The following CLEC16A variants were observed in gnomAD, a reference collection of about 807,000 sequenced individuals.
CLEC16A encodes C-type lectin domain containing 16A, also known as protein CLEC16A.
A neutral mutation model predicts 109.5 loss-of-function variants in CLEC16A; 51 were observed. The ratio of observed to expected loss-of-function variants is 0.47; its 90% CI spans 0.37 to 0.59. The LOEUF is 0.59. CLEC16A is among the 20% of genes least tolerant of loss of function. The pLI is 0.00. For synonymous variants in CLEC16A, 673 were observed against 564.2 expected, an observed-to-expected ratio of 1.19 and a Z score of -2.73; for missense variants, 1,339 against 1,394.0, an observed-to-expected ratio of 0.96 and a Z score of 0.63.
At chr16:11,156,920 C>A (rs1439582103) in intron 22 of CLEC16A, among the ~76,000 whole-genome samples, 2 of 129,748 alleles carry the variant, frequency 1.5e-5, no homozygotes, top group South Asian at 3.4e-4. Flanking sequence ...AATGCCCGCC[C>A]CCCCCCCCAC....
intron 22 of CLEC16A, among the ~76,000 whole-genome samples, chr16:11,127,419 G>A (rs1033796044): frequency 1.3e-5 from 2 of 152,200 alleles, no homozygotes; most frequent in African/African-American, 4.8e-5. Flanking sequence ...GTGTAATTGT[G>A]CAAATTTCTC....
At chr16:10,949,281 A>C (rs1432535366) in intron 1 of CLEC16A, among the ~76,000 whole-genome samples, 2 of 152,126 alleles carry the variant, frequency 1.3e-5, no homozygotes, top group Non-Finnish European at 2.9e-5. Context: ...TCACCATGCC[A>C]CATATTATGG....
chr16:11,031,966 G>A (rs1264515270), intron 13 of CLEC16A, among the ~76,000 whole-genome samples: 1 of 152,202 alleles, frequency 6.6e-6, no homozygotes, highest in Non-Finnish European at 1.5e-5. Context: ...TGCTCAACAT[G>A]GGGACTACAA....
rs1428599708 is a variant in CLEC16A at position 11,179,868 on chromosome 16, T to G, written c.*1178T>G. On this transcript the variant is annotated 3_prime_UTR_variant, in exon 24 of 24. Transcript: ENST00000409790. ...GAAACCCCATGGTTCCCTTCCCCAT[T>G]CGGACTGGGTGTGTACAAGCAAGGA... 2.0e-5 allele frequency: 3 copies of G among 152,290 alleles called. No homozygotes were observed. The highest frequency in any genetic ancestry group is 4.4e-5 in the Non-Finnish European group (3 of 68,128). 9.4% of individuals were successfully genotyped at this position (152,290 alleles called of 1,614,324 possible). A position where few individuals can be genotyped will look rare whatever the true frequency, so the allele number is the denominator to read the frequency against.
At chr16:11,157,249 T>C (rs1245580077) in intron 22 of CLEC16A, 1 of 1,200,438 alleles carries the variant, frequency 8.3e-7, no homozygotes. Context: ...TAGTCAGTGA[T>C]CAGTGATGTG....
chr16:11,032,297 C>G (rs1026273446), intron 13 of CLEC16A, among the ~76,000 whole-genome samples: 4 of 152,144 alleles, frequency 2.6e-5, no homozygotes, highest in Admixed American at 6.5e-5. Context: ...GCACAGGCAG[C>G]GACTGAACTG....
At chr16:11,026,507 C>G (rs1365774732) in intron 13 of CLEC16A, among the ~76,000 whole-genome samples, 2 of 152,050 alleles carry the variant, frequency 1.3e-5, no homozygotes, top group African/African-American at 2.4e-5. Flanking sequence ...TGTTCCCTCT[C>G]TGATTGATGG....
At chr16:11,146,781 G>T (rs2054077130) in intron 22 of CLEC16A, among the ~76,000 whole-genome samples, 1 of 151,990 alleles carries the variant, frequency 6.6e-6, no homozygotes, top group Non-Finnish European at 1.5e-5. Context: ...AGGGAGAGAG[G>T]GATGGATGGA....
chr16:10,970,380 G>A (rs971124687), intron 4 of CLEC16A, among the ~76,000 whole-genome samples: 1 of 152,150 alleles, frequency 6.6e-6, no homozygotes, highest in Non-Finnish European at 1.5e-5. Flanking sequence ...CTTCTTAGGT[G>A]TCAGGTGCTG....
intron 22 of CLEC16A, chr16:11,135,951 A>G (rs2053535606): frequency 6.6e-6 from 1 of 152,344 alleles, no homozygotes; most frequent in Non-Finnish European, 1.5e-5. Flanking sequence ...AGACTGGAAG[A>G]CACCAAGAAA....
chr16:11,145,222 A>T (rs976353064), intron 22 of CLEC16A, among the ~76,000 whole-genome samples: 1 of 151,982 alleles, frequency 6.6e-6, no homozygotes, highest in African/African-American at 2.4e-5. Context: ...GTCCCACTCT[A>T]CTCCGACCAC....
chr16:10,969,035 G>A (rs985891365), intron 3 of CLEC16A, 126 bp from the exon 4 acceptor site: 16 of 678,800 alleles, frequency 2.4e-5, no homozygotes, highest in Non-Finnish European at 3.6e-5. Flanking sequence ...TTCCCAGTTA[G>A]TGTGTTTAAT....
Position 11,003,305 on chromosome 16 carries a change from G to A in CLEC16A, c.1303G>A (p.Glu435Lys), listed in dbSNP as rs1312250603. The A allele has an allele frequency of 4.3e-6, 7 of 1,610,244 alleles. No individual in the cohort carries two copies. The highest frequency in any genetic ancestry group is 5.9e-6 in the Non-Finnish European group (7 of 1,178,290). Residue 435 changes from glutamate to lysine, a missense_variant and splice_region_variant, in exon 11 of 24, where the codon GAG (glutamate) becomes AAG (lysine). Physicochemically the swap from Glu to Lys is moderately conservative, Grantham distance 56. Transcript: ENST00000409790. ...CATCAAGACGAGTGGGGAGAGTGAA[G>A]GTGAGTGTCCCCATGAACGCCGCCC... is the stretch of plus-strand genomic sequence containing the variant. ...KGIKTSGESE[E>K]IEMVIMERSK...
intron 19 of CLEC16A, among the ~76,000 whole-genome samples, chr16:11,096,190 T>A (rs1041287919): frequency 3.4e-4 from 43 of 127,952 alleles, no homozygotes; most frequent in East Asian, 1.6e-3. Context: ...AAAAAAAAAA[T>A]TTTATGTAGC....
chr16:11,069,581 T>A (rs2048952229), intron 19 of CLEC16A, among the ~76,000 whole-genome samples: 1 of 150,414 alleles, frequency 6.6e-6, no homozygotes, highest in African/African-American at 2.5e-5. Context: ...GAGATCACAG[T>A]TTCGTGCCAC....
At chr16:11,132,762 C>T (rs1398107047) in intron 22 of CLEC16A, among the ~76,000 whole-genome samples, 1 of 152,136 alleles carries the variant, frequency 6.6e-6, no homozygotes, top group Non-Finnish European at 1.5e-5. Flanking sequence ...TTGTGGGGAA[C>T]CTCGTTTGTC....
chr16:10,944,958 G>A (rs1273539295), intron 1 of CLEC16A, among the ~76,000 whole-genome samples, 161 bp downstream of exon 1: 1 of 152,204 alleles, frequency 6.6e-6, no homozygotes, highest in Non-Finnish European at 1.5e-5. Context: ...AGGGCGCCTG[G>A]GTTCGAACCC....
chr16:11,005,580 T>C (rs775004079), intron 11 of CLEC16A, among the ~76,000 whole-genome samples: 6 of 152,202 alleles, frequency 3.9e-5, no homozygotes, highest in Non-Finnish European at 7.3e-5. Flanking sequence ...CATAAATACA[T>C]ACAACTTTCA....
chr16:10,944,997 T>C (rs1256018636), intron 1 of CLEC16A, among the ~76,000 whole-genome samples, 200 bp downstream of exon 1: 1 of 152,230 alleles, frequency 6.6e-6, no homozygotes, highest in Non-Finnish European at 1.5e-5. Context: ...CTGTGTGACC[T>C]TGGACAAGTC....
Sources: gnomAD v4.1 joint callset for allele counts (sites outside exome capture counted in the v4.1 genomes callset) on GRCh38, gnomAD v4.1.1 for gene constraint, MANE v1.5 for transcripts, NCBI Gene and HGNC (gene_info 2026-07-23, HGNC 2026-07-21) for gene names.